The following CDC26 variants were observed in gnomAD, a reference collection of about 807,000 sequenced individuals.
The protein encoded by CDC26 is anaphase-promoting complex subunit CDC26.
In CDC26, 2 loss-of-function variants were observed where a neutral mutation model predicts 8.0. The ratio of observed to expected loss-of-function variants is 0.25; its 90% CI spans 0.10 to 0.79. CDC26 has a LOEUF of 0.79. Ranked by LOEUF, CDC26 falls within the 30% of genes least tolerant of loss-of-function variation. The pLI, the probability that CDC26 is intolerant of heterozygous loss-of-function variation, is 0.70. For missense variants in CDC26, 68 were observed against 106.0 expected, an observed-to-expected ratio of 0.64 and a Z score of 1.57; for synonymous variants, 19 against 34.9, an observed-to-expected ratio of 0.55 and a Z score of 1.60.
intron 3 of CDC26, among the ~76,000 whole-genome samples, chr9:113,270,463 T>C (rs1354462460): frequency 6.6e-6 from 1 of 151,390 alleles, no homozygotes; most frequent in Non-Finnish European, 1.5e-5. Context: ...ACGTCCCTAA[T>C]GTAAATGATT....
At chr9:113,269,245 AT>A (rs1326423007) in intron 3 of CDC26, among the ~76,000 whole-genome samples, 2 of 151,570 alleles carry the variant, frequency 1.3e-5, no homozygotes, top group African/African-American at 2.4e-5. Context: ...AAAAAAAAAA[AT>A]AAATGCCAAC....
chr9:113,270,713 G>A (rs1037557782), intron 3 of CDC26, among the ~76,000 whole-genome samples: 1 of 152,170 alleles, frequency 6.6e-6, no homozygotes, highest in Non-Finnish European at 1.5e-5. Flanking sequence ...AGATTGGCAT[G>A]TTCAAGGAAA....
rs1006048122 is a variant in CDC26, at chr9:113,275,567, T to G, written c.-337A>C. 5 of 617,416 alleles carry G rather than the reference T, an allele frequency of 8.1e-6. No homozygotes were observed. The highest frequency in any genetic ancestry group is 1.4e-5 in the Non-Finnish European group (5 of 363,434). 38.2% of individuals were successfully genotyped at this position (617,416 alleles called of 1,614,324 possible). A position where few individuals can be genotyped will look rare whatever the true frequency, so the allele number is the denominator to read the frequency against. ...CCCTCAATGCCACGACGCCATTTCC[T>G]ACTACGACTTCCATCATGCTCCGCG... On this transcript the variant is annotated 5_prime_UTR_variant, in exon 1 of 4. Transcript: ENST00000374206.
At chr9:113,269,242 A>G (rs564387481) in intron 3 of CDC26, among the ~76,000 whole-genome samples, 1 of 152,206 alleles carries the variant, frequency 6.6e-6, no homozygotes, top group Non-Finnish European at 1.5e-5. Flanking sequence ...ATAAAAAAAA[A>G]AAATAAATGC....
intron 1 of CDC26, among the ~76,000 whole-genome samples, chr9:113,274,739 T>C (rs980619469): frequency 6.6e-6 from 1 of 152,220 alleles, no homozygotes; most frequent in South Asian, 2.1e-4. Context: ...TCTGCTGTTG[T>C]AGGAAGTCAA....
intron 3 of CDC26, among the ~76,000 whole-genome samples, chr9:113,269,033 C>T (rs913237292): frequency 6.6e-6 from 1 of 152,016 alleles, no homozygotes; most frequent in Non-Finnish European, 1.5e-5. Flanking sequence ...GGTTTACAGG[C>T]ATGAGCCACC....
rs1318768396 is a variant in CDC26, at chr9:113,275,542, C to T, written c.-312G>A. 40 of 544,234 alleles carry T rather than the reference C, an allele frequency of 7.3e-5. No individual in the cohort carries two copies. Among genetic ancestry groups the T allele is most frequent in the Non-Finnish European group, 1.0e-4 (32 of 306,938 alleles). 33.7% of individuals were successfully genotyped at this position (544,234 alleles called of 1,614,324 possible). A position where few individuals can be genotyped will look rare whatever the true frequency, so the allele number is the denominator to read the frequency against. On this transcript the variant is annotated 5_prime_UTR_variant, in exon 1 of 4. Transcript: ENST00000374206. ...TTCCTGGAGGTTCTAGGAGGGATGC[C>T]CCTCAATGCCACGACGCCATTTCCT...
intron 3 of CDC26, among the ~76,000 whole-genome samples, chr9:113,270,640 G>C (rs1831938499): frequency 6.6e-6 from 1 of 152,170 alleles, no homozygotes; most frequent in African/African-American, 2.4e-5. Flanking sequence ...ATGAAGACTG[G>C]AAGAAAGGGA....
intron 1 of CDC26, among the ~76,000 whole-genome samples, 186 bp from the exon 2 acceptor site, chr9:113,273,624 G>GGCTC (rs1450726170): frequency 6.6e-6 from 1 of 152,024 alleles, no homozygotes; most frequent in Non-Finnish European, 1.5e-5. Flanking sequence ...GCAGAGAGAA[G>GGCTC]AATGCACAAG....
intron 3 of CDC26, among the ~76,000 whole-genome samples, chr9:113,268,518 G>C (rs1471756747): frequency 6.6e-6 from 1 of 152,202 alleles, no homozygotes; most frequent in East Asian, 1.9e-4. Flanking sequence ...AGAGTGAAAT[G>C]ATGTTTTATC....
At chr9:113,273,542 T>G (rs988401130) in intron 1 of CDC26, 104 bp from the exon 2 acceptor site, 3 of 151,742 alleles carry the variant, frequency 2.0e-5, no homozygotes, top group African/African-American at 7.3e-5. Context: ...CTGGGCTGAG[T>G]GTGGGGTGGA....
At position 113,275,540 on chromosome 9, in the gene CDC26, GC is replaced by G. The variant is rs1333938675; in HGVS notation, c.-311del. ...TTTTCCTGGAGGTTCTAGGAGGGAT[GC>G]CCCTCAATGCCACGACGCCATTTCC... On this transcript the variant is annotated 5_prime_UTR_variant, in exon 1 of 4. Coordinates refer to ENST00000374206, the MANE Select transcript of CDC26 (RefSeq NM_139286.4). The G allele has an allele frequency of 1.3e-5, 7 of 540,190 alleles. No homozygotes were observed. In the South Asian group the frequency reaches 1.6e-4, roughly 12 times the overall value. The allele number at this position is 540,190 out of a possible 1,614,324, so 33.5% of individuals were successfully genotyped here. A position where few individuals can be genotyped will look rare whatever the true frequency, so the allele number is the denominator to read the frequency against.
intron 3 of CDC26, among the ~76,000 whole-genome samples, chr9:113,269,739 G>A (rs138481995): frequency 4.5e-4 from 69 of 152,302 alleles, no homozygotes; most frequent in African/African-American, 1.7e-3. Flanking sequence ...TAATATATGA[G>A]TTTTTAGAAA....
rs1036662430 is a variant in CDC26, at chr9:113,272,519, C to T, written c.-12G>A. Reference sequence around the variant, plus strand: ...TTCCGTCTCAGCATACTGAAGTCAACACTAAGGGCCAAACCCAGTGAACTA... The same window carrying T: ...TTCCGTCTCAGCATACTGAAGTCAATACTAAGGGCCAAACCCAGTGAACTA... On this transcript the variant is annotated 5_prime_UTR_variant, in exon 3 of 4. Coordinates refer to ENST00000374206, the MANE Select transcript of CDC26 (RefSeq NM_139286.4). The T allele has an allele frequency of 6.3e-7, 1 of 1,583,876 alleles. No homozygotes were observed. Among genetic ancestry groups the T allele is most frequent in the Non-Finnish European group, 8.7e-7 (1 of 1,152,498 alleles).
rs957073394 is a variant in CDC26, at chr9:113,267,129, T to C, written c.*134A>G. Reference sequence around the variant, plus strand: ...TAGAGTGCAAGTGAAGCATCAGTAATCTCATGCAGAAGATTTGTCTCTGCA... The same window carrying C: ...TAGAGTGCAAGTGAAGCATCAGTAACCTCATGCAGAAGATTTGTCTCTGCA... On this transcript the variant is annotated 3_prime_UTR_variant, in exon 4 of 4. Coordinates refer to ENST00000374206, the MANE Select transcript of CDC26 (RefSeq NM_139286.4). 1.5e-5 allele frequency: 8 copies of C among 517,544 alleles called. No homozygotes were observed. Among genetic ancestry groups the C allele is most frequent in the Middle Eastern group, 5.2e-4 (1 of 1,922 alleles). The allele number at this position is 517,544 out of a possible 1,614,324, so 32.1% of individuals were successfully genotyped here.
chr9:113,274,305 T>C (rs1419758504), intron 1 of CDC26, among the ~76,000 whole-genome samples: 1 of 152,176 alleles, frequency 6.6e-6, no homozygotes, highest in Non-Finnish European at 1.5e-5. Flanking sequence ...TACACGTATC[T>C]AGGATGAAAC....
chr9:113,267,466 AG>A lies in CDC26; in HGVS notation c.82-28del. ...TGAAAGTATAAAAGTTTTAGGATTA[AG>A]GCAACATTCTTTCAATTAGCAAATG... is the stretch of plus-strand genomic sequence containing the variant. On this transcript the variant is annotated intron_variant, in intron 3 of 3. Transcript: ENST00000374206. 3 of 1,584,770 alleles carry A rather than the reference AG, an allele frequency of 1.9e-6. No individual in the cohort carries two copies. In the South Asian group the frequency reaches 3.5e-5, roughly 18 times the overall value.
intron 3 of CDC26, among the ~76,000 whole-genome samples, chr9:113,271,594 G>C (rs777174704): frequency 1.8e-4 from 28 of 152,184 alleles, no homozygotes; most frequent in Admixed American, 5.2e-4. Context: ...CCTCCATAGG[G>C]AATGTGGCCC....
rs1455830168 is a variant in CDC26, at chr9:113,268,284, C to A, written c.82-845G>T. 3.3e-5 allele frequency among the ~76,000 whole-genome samples: 5 copies of A among 152,256 alleles called. No homozygotes were observed. In the East Asian group the frequency reaches 9.6e-4, roughly 29 times the overall value. ...ACCAAAAATCTATAGCCTGACTGAT[C>A]CCATGAGATTAAAAGTAACTCAAGA... On this transcript the variant is annotated intron_variant, in intron 3 of 3. Coordinates refer to ENST00000374206, the MANE Select transcript of CDC26 (RefSeq NM_139286.4).
Sources: gnomAD v4.1 joint callset for allele counts (sites outside exome capture counted in the v4.1 genomes callset) on GRCh38, gnomAD v4.1.1 for gene constraint, MANE v1.5 for transcripts, NCBI Gene and HGNC (gene_info 2026-07-23, HGNC 2026-07-21) for gene names.